ADCYAP1R1: variants seen among roughly 807,000 people sequenced by gnomAD.
ADCYAP1R1 encodes the protein ADCYAP receptor type I.
ADCYAP1R1 carries 44 observed loss-of-function variants against 67.6 expected under a neutral mutation model. The ratio of observed to expected loss-of-function variants is 0.65; its 90% CI spans 0.51 to 0.84. The LOEUF (loss-of-function observed/expected upper bound fraction) is 0.84. Ranked by LOEUF, ADCYAP1R1 falls within the 40% of genes least tolerant of loss-of-function variation. The probability of loss-of-function intolerance (pLI) is 0.00; values close to 1 mark genes in which losing one functional copy is unlikely to be tolerated. For synonymous variants in ADCYAP1R1, 222 were observed against 219.6 expected, an observed-to-expected ratio of 1.01 and a Z score of -0.10; for missense variants, 477 against 587.9, an observed-to-expected ratio of 0.81 and a Z score of 1.95.
chr7:31,080,010 C>G (rs1420483494), intron 4 of ADCYAP1R1, among the ~76,000 whole-genome samples: 1 of 152,186 alleles, frequency 6.6e-6, no homozygotes, highest in Non-Finnish European at 1.5e-5. Flanking sequence ...TTCTTTCGTT[C>G]CGTCATTTAT....
chr7:31,081,859 G>T, intron 6 of ADCYAP1R1, 105 bp downstream of exon 6: 1 of 861,918 alleles, frequency 1.2e-6, no homozygotes, highest in Non-Finnish European at 1.8e-6. Context: ...GCTCCTCTGT[G>T]GCTGTGTGAT....
chr7:31,066,492 G>A (rs988494971), intron 3 of ADCYAP1R1, among the ~76,000 whole-genome samples: 1 of 152,134 alleles, frequency 6.6e-6, no homozygotes, highest in Non-Finnish European at 1.5e-5. Context: ...CAGCATCCCT[G>A]GAAGGGCCAG....
intron 3 of ADCYAP1R1, among the ~76,000 whole-genome samples, chr7:31,077,026 G>A (rs558279435): frequency 1.3e-5 from 2 of 152,300 alleles, no homozygotes; most frequent in African/African-American, 4.8e-5. Context: ...GTGGGGCGGT[G>A]TAAAAACAGG....
In ADCYAP1R1 at chr7:31,078,155, GC is replaced by G. The variant is rs1296308023; in HGVS notation, c.265+61del. 210 of 1,452,778 alleles carry G rather than the reference GC, an allele frequency of 1.4e-4. 2 individuals carry two copies. The highest frequency in any genetic ancestry group is 1.6e-5 in the Non-Finnish European group (17 of 1,068,264). 90.0% of individuals were successfully genotyped at this position (1,452,778 alleles called of 1,614,324 possible). On this transcript the variant is annotated intron_variant, in intron 4 of 15. Transcript: ENST00000304166. ...TGGCCTAGCCTGCTCCCCAAATTCG[GC>G]CCCAGGCAAGCACCAAGGACAGGGA...
At chr7:31,085,830 G>T (rs1032289836) in intron 9 of ADCYAP1R1, among the ~76,000 whole-genome samples, 3 of 152,168 alleles carry the variant, frequency 2.0e-5, no homozygotes, top group Non-Finnish European at 2.9e-5. Flanking sequence ...ATTGGCCAGG[G>T]GTCTTTCCAG....
intron 12 of ADCYAP1R1, among the ~76,000 whole-genome samples, chr7:31,092,025 G>T (rs1795981909): frequency 6.7e-6 from 1 of 149,224 alleles, no homozygotes; most frequent in East Asian, 2.0e-4. Context: ...TTCTCCAAGG[G>T]CTGCTTTGGC....
chr7:31,101,552 T>C (rs1796437449), intron 13 of ADCYAP1R1, among the ~76,000 whole-genome samples: 1 of 152,182 alleles, frequency 6.6e-6, no homozygotes, highest in Non-Finnish European at 1.5e-5. Context: ...CATGTCCCTG[T>C]GTTTCTGGCC....
intron 1 of ADCYAP1R1, among the ~76,000 whole-genome samples, chr7:31,061,068 T>C (rs1213176713): frequency 1.3e-5 from 2 of 152,212 alleles, no homozygotes; most frequent in Non-Finnish European, 2.9e-5. Flanking sequence ...GAGTATCTGC[T>C]AGGGGGCAGC....
At chr7:31,072,798 A>G (rs1795043970) in intron 3 of ADCYAP1R1, among the ~76,000 whole-genome samples, 1 of 152,246 alleles carries the variant, frequency 6.6e-6, no homozygotes, top group South Asian at 2.1e-4. Flanking sequence ...GGAATTAAGG[A>G]TCTTGAACTG....
chr7:31,106,657 C>G lies in ADCYAP1R1; in HGVS notation c.1380C>G (p.Gly460=), dbSNP rs939868701. 4 of 1,610,918 alleles carry G rather than the reference C, an allele frequency of 2.5e-6. No homozygotes were observed. Among genetic ancestry groups the G allele is most frequent in the Non-Finnish European group, 3.4e-6 (4 of 1,178,398 alleles). The change falls in exon 16 of 16, where the codon GGC becomes GGG. Residue 460 remains glycine, a synonymous_variant. Transcript: ENST00000304166. The part of the protein sequence containing the change: ...SKSSSQIRMS[G]LPADNLAT ...GCAGCTCCCAAATCCGCATGTCTGG[C>G]CTCCCTGCTGACAATCTGGCCACCT...
chr7:31,053,981 CAG>C (rs1340805949), intron 1 of ADCYAP1R1, among the ~76,000 whole-genome samples: 1 of 152,194 alleles, frequency 6.6e-6, no homozygotes, highest in Non-Finnish European at 1.5e-5. Flanking sequence ...CAGGTTTTCT[CAG>C]GAGACCCCAA....
intron 13 of ADCYAP1R1, among the ~76,000 whole-genome samples, chr7:31,096,172 T>G (rs1046883361): frequency 6.6e-6 from 1 of 152,088 alleles, no homozygotes; most frequent in Non-Finnish European, 1.5e-5. Flanking sequence ...CCCCCTGCCT[T>G]GAAGTGAGCC....
At chr7:31,087,042 T>C (rs764497275) in intron 11 of ADCYAP1R1, 39 bp downstream of exon 11, 63 of 1,610,278 alleles carry the variant, frequency 3.9e-5, no homozygotes, top group Non-Finnish European at 5.2e-5. Context: ...CAGCACAGAG[T>C]AGATTCTTAC....
intron 3 of ADCYAP1R1, among the ~76,000 whole-genome samples, chr7:31,073,030 A>G (rs1465637811): frequency 6.6e-6 from 1 of 152,246 alleles, no homozygotes; most frequent in Non-Finnish European, 1.5e-5. Context: ...GATGAAATGC[A>G]ACCCTGCTGA....
chr7:31,098,392 T>A (rs1261051833), intron 13 of ADCYAP1R1, among the ~76,000 whole-genome samples: 5 of 152,216 alleles, frequency 3.3e-5, no homozygotes. Context: ...CTCAGATAGA[T>A]GAATACCTCC....
rs543483264 is a variant in ADCYAP1R1 at position 31,068,441 on chromosome 7, T to C, written c.157+3505T>C. On this transcript the variant is annotated intron_variant, in intron 3 of 15. Coordinates refer to ENST00000304166, the MANE Select transcript of ADCYAP1R1 (RefSeq NM_001118.5). Reference sequence around the variant, plus strand: ...TTCACCCCTGGGCTGCATTTGCTGCTCAGAAGAGGAGTGAGGAGACGCCCT... The same window carrying C: ...TTCACCCCTGGGCTGCATTTGCTGCCCAGAAGAGGAGTGAGGAGACGCCCT... 2.0e-5 allele frequency among the ~76,000 whole-genome samples: 3 copies of C among 152,238 alleles called. No individual in the cohort carries two copies. In the East Asian group the frequency reaches 5.8e-4, roughly 29 times the overall value.
intron 4 of ADCYAP1R1, among the ~76,000 whole-genome samples, chr7:31,079,706 CA>C (rs1047829235): frequency 3.3e-5 from 5 of 152,316 alleles, no homozygotes; most frequent in Non-Finnish European, 5.9e-5. Context: ...GCTCCCACCC[CA>C]AGGTTTGTCT....
chr7:31,060,500 T>G (rs1211419652), intron 1 of ADCYAP1R1, among the ~76,000 whole-genome samples: 4 of 147,224 alleles, frequency 2.7e-5, no homozygotes, highest in Admixed American at 6.6e-5. Flanking sequence ...TGTGTGTGTG[T>G]GGTGTGTGTG....
chr7:31,072,977 C>A (rs10230746), intron 3 of ADCYAP1R1, among the ~76,000 whole-genome samples: 36,691 of 152,096 alleles, frequency 0.24, 6,392 homozygotes, highest in African/African-American at 0.5. Flanking sequence ...GGCCTCTTAA[C>A]TCTGGAAAAG....
Sources: gnomAD v4.1 joint callset for allele counts (sites outside exome capture counted in the v4.1 genomes callset) on GRCh38, gnomAD v4.1.1 for gene constraint, MANE v1.5 for transcripts, NCBI Gene and HGNC (gene_info 2026-07-23, HGNC 2026-07-21) for gene names.